The following XKR9 variants were observed in gnomAD, a reference collection of about 807,000 sequenced individuals.
XKR9 encodes XK related 9, also known as XK-related protein 9.
XKR9 carries 32 observed loss-of-function variants against 32.0 expected under a neutral mutation model. The ratio of observed to expected loss-of-function variants is 1.00; its 90% CI spans 0.76 to 1.34. XKR9 has a LOEUF of 1.34. XKR9 is among the 40% of genes most tolerant of loss of function. The pLI, the probability that XKR9 is intolerant of heterozygous loss-of-function variation, is 0.00. For synonymous variants in XKR9, 168 were observed against 143.4 expected (o/e 1.17, Z -1.22); for missense variants, 546 against 429.7 (o/e 1.27, Z -2.39).
At chr8:70,815,263 C>T in the XKR9 span, among the ~76,000 whole-genome samples, 4 of 152,168 alleles carry the variant, frequency 2.6e-5, no homozygotes, top group East Asian at 1.9e-4. Context: ...TATTTCATCA[C>T]CACCAACGTA....
chr8:70,700,809 A>C (rs1307227796), intron 3 of XKR9, among the ~76,000 whole-genome samples: 1 of 152,190 alleles, frequency 6.6e-6, no homozygotes, highest in Non-Finnish European at 1.5e-5. Flanking sequence ...AGAGGCAGGC[A>C]GGCCTCCTTG....
intron 2 of XKR9, among the ~76,000 whole-genome samples, chr8:70,741,455 G>A (rs1806980819): frequency 6.6e-6 from 1 of 152,170 alleles, no homozygotes; most frequent in African/African-American, 2.4e-5. Context: ...GTATTCAGCG[G>A]AAAACAGACT....
chr8:70,943,775 C>A, the XKR9 span, among the ~76,000 whole-genome samples: 1 of 152,162 alleles, frequency 6.6e-6, no homozygotes, highest in African/African-American at 2.4e-5. Context: ...GTTTAGAAAT[C>A]AGGAACTATA....
In XKR9 at chr8:70,767,219, C is replaced by A. The variant is rs151147111; in HGVS notation, n.353-22120C>A. On this transcript the variant is annotated intron_variant and non_coding_transcript_variant, in intron 2 of 3. Coordinates refer to the XKR9 transcript ENST00000520273. ...CTCTGGTAGAATTCGGCTGTGAATC[C>A]GTCTGGACCTGGGATTTTTTTGGTT... Among the ~76,000 whole-genome samples the A allele has an allele frequency of 9.7e-3, 1,477 of 152,198 alleles. 22 individuals are homozygous for A. Among genetic ancestry groups the A allele is most frequent in the African/African-American group, 0.034 (1,407 of 41,522 alleles).
chr8:70,855,231 A>T, the XKR9 span, among the ~76,000 whole-genome samples: 1 of 152,110 alleles, frequency 6.6e-6, no homozygotes, highest in African/African-American at 2.4e-5. Flanking sequence ...GAACCTCAAA[A>T]AAAAATTAGA....
chr8:70,812,321 C>A, the XKR9 span, among the ~76,000 whole-genome samples: 1 of 152,116 alleles, frequency 6.6e-6, no homozygotes, highest in Non-Finnish European at 1.5e-5. Flanking sequence ...TACGACAAAC[C>A]CACAGCCAAT....
At chr8:70,731,214 T>C (rs929569842) in intron 4 of XKR9, among the ~76,000 whole-genome samples, 1 of 152,148 alleles carries the variant, frequency 6.6e-6, no homozygotes, top group Admixed American at 6.5e-5. Flanking sequence ...TTTCTATCAA[T>C]CAGACTCATG....
At chr8:70,879,786 T>A in the XKR9 span, among the ~76,000 whole-genome samples, 2 of 152,166 alleles carry the variant, frequency 1.3e-5, no homozygotes, top group East Asian at 3.9e-4. Flanking sequence ...GAGGCCAACG[T>A]CATCCTGATA....
At chr8:70,701,910 C>G (rs145661735) in intron 3 of XKR9, among the ~76,000 whole-genome samples, 8 of 152,124 alleles carry the variant, frequency 5.3e-5, no homozygotes, top group African/African-American at 1.9e-4. Context: ...CTCTCTCTGC[C>G]AAAGGAGAGT....
chr8:70,862,729 A>G, the XKR9 span, among the ~76,000 whole-genome samples: 1 of 152,048 alleles, frequency 6.6e-6, no homozygotes, highest in Non-Finnish European at 1.5e-5. Flanking sequence ...TGCCTCCTCC[A>G]TCCTTCATGT....
At chr8:70,686,240 CTTT>C (rs35422609) in intron 3 of XKR9, among the ~76,000 whole-genome samples, 11 of 123,078 alleles carry the variant, frequency 8.9e-5, no homozygotes, top group Non-Finnish European at 1.4e-4. Context: ...TCACTCCATT[CTTT>C]TTTTTTTTTT....
At chr8:70,873,462 A>G in the XKR9 span, among the ~76,000 whole-genome samples, 1 of 152,242 alleles carries the variant, frequency 6.6e-6, no homozygotes, top group Non-Finnish European at 1.5e-5. Context: ...AAGTCAAAAT[A>G]TCAACATTAG....
At chr8:70,715,009 G>C (rs551668921) in intron 4 of XKR9, among the ~76,000 whole-genome samples, 1 of 152,240 alleles carries the variant, frequency 6.6e-6, no homozygotes, top group South Asian at 2.1e-4. Context: ...AAATATGTTA[G>C]AAGCAGGTAG....
At chr8:70,693,095 C>T (rs562150312) in intron 3 of XKR9, among the ~76,000 whole-genome samples, 4 of 152,264 alleles carry the variant, frequency 2.6e-5, no homozygotes, top group East Asian at 1.9e-4. Flanking sequence ...TACTTGATCA[C>T]GGTAGATTAG....
At chr8:70,986,947 A>T in the XKR9 span, among the ~76,000 whole-genome samples, 2 of 152,218 alleles carry the variant, frequency 1.3e-5, no homozygotes, top group East Asian at 1.9e-4. Context: ...CTTGTCTTAA[A>T]TGGATGGCAA....
the XKR9 span, among the ~76,000 whole-genome samples, chr8:70,990,443 C>T: frequency 2.5e-3 from 374 of 152,146 alleles, 2 homozygotes; most frequent in African/African-American, 8.6e-3. Flanking sequence ...TAATACAATC[C>T]TACAAAAAGG....
chr8:70,907,161 A>G, the XKR9 span, among the ~76,000 whole-genome samples: 1 of 152,186 alleles, frequency 6.6e-6, no homozygotes, highest in Non-Finnish European at 1.5e-5. Context: ...ACCATTTCTC[A>G]TAAAATTTAT....
At chr8:70,900,492 G>A in the XKR9 span, among the ~76,000 whole-genome samples, 12 of 151,962 alleles carry the variant, frequency 7.9e-5, no homozygotes, top group African/African-American at 2.9e-4. Flanking sequence ...GGGAGTCTGA[G>A]GCAGGAGAAT....
At chr8:71,020,590 T>C in the XKR9 span, among the ~76,000 whole-genome samples, 3 of 152,348 alleles carry the variant, frequency 2.0e-5, no homozygotes, top group South Asian at 6.2e-4. Flanking sequence ...CTAATTTCTC[T>C]GTGTATAATA....
Sources: gnomAD v4.1 joint callset for allele counts (sites outside exome capture counted in the v4.1 genomes callset) on GRCh38, gnomAD v4.1.1 for gene constraint, MANE v1.5 for transcripts, NCBI Gene and HGNC (gene_info 2026-07-23, HGNC 2026-07-21) for gene names.